TRPM3: variants seen among roughly 807,000 people sequenced by gnomAD.
TRPM3 encodes the protein transient receptor potential cation channel subfamily M member 3.
TRPM3 carries 77 observed loss-of-function variants against 181.2 expected under a neutral mutation model. The observed-to-expected ratio is 0.42, with a 90% confidence interval of 0.35 to 0.51. TRPM3 has a LOEUF of 0.51. TRPM3 is among the 20% of genes least tolerant of loss of function. The pLI is 0.01. For synonymous variants in TRPM3, 745 were observed against 796.4 expected, an observed-to-expected ratio of 0.94 and a Z score of 1.09; for missense variants, 1,759 against 2,196.7, an observed-to-expected ratio of 0.80 and a Z score of 3.98.
At chr9:70,691,519 CG>C (rs1564015778) in intron 8 of TRPM3, among the ~76,000 whole-genome samples, 1 of 152,134 alleles carries the variant, frequency 6.6e-6, no homozygotes, top group African/African-American at 2.4e-5. Flanking sequence ...AAGGGATCAT[CG>C]TGGATGAACA....
intron 1 of TRPM3, among the ~76,000 whole-genome samples, chr9:71,013,821 T>C (rs572929184): frequency 6.6e-6 from 1 of 152,178 alleles, no homozygotes; most frequent in African/African-American, 2.4e-5. Context: ...TATATACATT[T>C]TCCCCTTAGT....
At chr9:71,176,727 G>A (rs1299951828) in intron 1 of TRPM3, among the ~76,000 whole-genome samples, 1 of 152,058 alleles carries the variant, frequency 6.6e-6, no homozygotes, top group African/African-American at 2.4e-5. Flanking sequence ...CATTCATGGT[G>A]CATGCCCTAT....
chr9:70,617,215 C>T (rs939825401), intron 17 of TRPM3, among the ~76,000 whole-genome samples: 16 of 152,210 alleles, frequency 1.1e-4, no homozygotes, highest in Non-Finnish European at 1.9e-4. Context: ...ACATGACACC[C>T]TGTCCTCGGA....
chr9:70,825,412 C>T (rs1351727410), intron 6 of TRPM3: 2 of 152,174 alleles, frequency 1.3e-5, no homozygotes, highest in East Asian at 3.8e-4. Flanking sequence ...CAAATACAGT[C>T]CCAAAAGTAA....
intron 22 of TRPM3, among the ~76,000 whole-genome samples, chr9:70,589,462 A>C (rs1019913749): frequency 1.3e-5 from 2 of 152,222 alleles, no homozygotes; most frequent in African/African-American, 4.8e-5. Context: ...AAAAAAGGCA[A>C]AATAATGTAA....
intron 1 of TRPM3, among the ~76,000 whole-genome samples, chr9:71,146,385 A>T (rs915282703): frequency 2.0e-5 from 3 of 152,136 alleles, no homozygotes; most frequent in African/African-American, 7.2e-5. Flanking sequence ...TCAAAGACGA[A>T]ATTTTGAAAC....
intron 1 of TRPM3, among the ~76,000 whole-genome samples, chr9:71,385,434 A>T (rs2092902659): frequency 6.6e-6 from 1 of 152,186 alleles, no homozygotes; most frequent in Non-Finnish European, 1.5e-5. Context: ...CTTTATTTGT[A>T]TTAGAGGGTT....
intron 1 of TRPM3, among the ~76,000 whole-genome samples, chr9:71,395,575 T>C (rs111406349): frequency 3.3e-5 from 5 of 152,364 alleles, no homozygotes; most frequent in African/African-American, 9.6e-5. Context: ...TCAGGTAACA[T>C]TGGTACCAAA....
chr9:71,140,536 A>T lies in TRPM3; in HGVS notation c.184-276025T>A, dbSNP rs193169949. 1.2e-3 allele frequency among the ~76,000 whole-genome samples: 182 copies of T among 152,304 alleles called. 1 individual carries two copies. The highest frequency in any genetic ancestry group is 4.0e-3 in the African/African-American group (168 of 41,568). On this transcript the variant is annotated intron_variant, in intron 1 of 24. Transcript: ENST00000357533. Reference sequence around the variant, plus strand: ...GACACCTCCCCAAGTTTGGTCATTTATCCTATCCTAGAATAATGTTTGAAA... The same window carrying T: ...GACACCTCCCCAAGTTTGGTCATTTTTCCTATCCTAGAATAATGTTTGAAA...
chr9:70,870,461 C>A (rs2095764418), intron 1 of TRPM3, among the ~76,000 whole-genome samples: 1 of 152,050 alleles, frequency 6.6e-6, no homozygotes, highest in Non-Finnish European at 1.5e-5. Context: ...GAGTTGGCTA[C>A]AGAATAACAC....
intron 1 of TRPM3, among the ~76,000 whole-genome samples, chr9:71,260,772 G>T (rs545157728): frequency 2.6e-5 from 4 of 152,170 alleles, no homozygotes; most frequent in Non-Finnish European, 4.4e-5. Flanking sequence ...AACTTAAGGC[G>T]TTTTGGGGCT....
chr9:71,258,467 C>T (rs1468017017), intron 1 of TRPM3, among the ~76,000 whole-genome samples: 1 of 152,188 alleles, frequency 6.6e-6, no homozygotes, highest in Non-Finnish European at 1.5e-5. Context: ...TTTTACATTA[C>T]TGAGAATGAA....
intron 1 of TRPM3, among the ~76,000 whole-genome samples, chr9:71,167,535 G>T (rs1487054089): frequency 6.6e-6 from 1 of 151,912 alleles, no homozygotes; most frequent in African/African-American, 2.4e-5. Flanking sequence ...TTATTTATTG[G>T]TACCCCTCTG....
chr9:71,370,159 CCTGT>C (rs1173124769), intron 1 of TRPM3, among the ~76,000 whole-genome samples: 3 of 152,116 alleles, frequency 2.0e-5, no homozygotes, highest in South Asian at 4.1e-4. Flanking sequence ...TCTCCGTGGG[CCTGT>C]CTATTCCCTG....
intron 1 of TRPM3, among the ~76,000 whole-genome samples, chr9:71,154,154 C>A (rs531255587): frequency 2.0e-5 from 3 of 152,080 alleles, no homozygotes; most frequent in African/African-American, 4.8e-5. Context: ...CAAAAAGCAA[C>A]CTTAGTTTCA....
intron 1 of TRPM3, among the ~76,000 whole-genome samples, chr9:71,432,416 T>C (rs2093971549): frequency 6.7e-6 from 1 of 148,366 alleles, no homozygotes; most frequent in Non-Finnish European, 1.5e-5. Context: ...GTCTTAATAA[T>C]ATGAATTAAG....
chr9:70,632,931 A>G (rs2066152844), intron 12 of TRPM3, among the ~76,000 whole-genome samples: 1 of 152,244 alleles, frequency 6.6e-6, no homozygotes, highest in East Asian at 1.9e-4. Context: ...AAGAGAAAAC[A>G]ATATTGCAAA....
At chr9:71,215,429 T>C (rs2079806160) in intron 1 of TRPM3, among the ~76,000 whole-genome samples, 3 of 152,208 alleles carry the variant, frequency 2.0e-5, no homozygotes, top group African/African-American at 7.2e-5. Flanking sequence ...TGCTTTGCAA[T>C]TCATTGCTGA....
intron 8 of TRPM3, among the ~76,000 whole-genome samples, chr9:70,749,031 T>C (rs2075675470): frequency 7.0e-6 from 1 of 142,738 alleles, no homozygotes; most frequent in African/African-American, 2.9e-5. Context: ...AACCAGTTCA[T>C]TTCTGTATTT....
Sources: allele counts gnomAD v4.1 joint callset (sites outside exome capture counted in the v4.1 genomes callset), GRCh38; gene constraint gnomAD v4.1.1; transcripts MANE v1.5; gene names NCBI Gene and HGNC (gene_info 2026-07-23, HGNC 2026-07-21).